FGF1: variants seen among roughly 807,000 people sequenced by gnomAD.
FGF1 encodes beta-endothelial cell growth factor.
A neutral mutation model predicts 13.4 loss-of-function variants in FGF1; 9 were observed. The ratio of observed to expected loss-of-function variants is 0.67; its 90% CI spans 0.40 to 1.17. The LOEUF (loss-of-function observed/expected upper bound fraction) is 1.17, where lower values mean the gene tolerates loss of function less well. Ranked by LOEUF, FGF1 falls within the 50% of genes most tolerant of loss-of-function variation. The pLI is 0.01. For missense variants in FGF1, 156 were observed against 192.7 expected (o/e 0.81, Z 1.13); for synonymous variants, 93 against 79.0 (o/e 1.18, Z -0.94).
chr5:142,680,903 C>T (rs1773590448), intron 1 of FGF1: 1 of 152,154 alleles, frequency 6.6e-6, no homozygotes, highest in African/African-American at 2.4e-5. Context: ...AATGCAGAAT[C>T]CTGGGTCCCT....
At chr5:142,692,001 C>A (rs1384268825) in intron 2 of FGF1, among the ~76,000 whole-genome samples, 2 of 152,150 alleles carry the variant, frequency 1.3e-5, no homozygotes, top group East Asian at 1.9e-4. Context: ...TAAAATTGTG[C>A]ACTATCTCCA....
upstream of FGF1, among the ~76,000 whole-genome samples, chr5:142,689,595 G>C (rs988165405): frequency 2.6e-5 from 4 of 152,082 alleles, no homozygotes; most frequent in East Asian, 7.7e-4. Context: ...CAACTTCAGG[G>C]GAGGATGCTT....
At chr5:142,630,262 AGT>A (rs1380684968) in intron 1 of FGF1, among the ~76,000 whole-genome samples, 13 of 152,028 alleles carry the variant, frequency 8.6e-5, no homozygotes, top group Non-Finnish European at 1.0e-4. Flanking sequence ...ACCTCACCCT[AGT>A]CCCAGCTGTG....
At chr5:142,663,015 G>A (rs1290937136) in intron 1 of FGF1, among the ~76,000 whole-genome samples, 3 of 152,026 alleles carry the variant, frequency 2.0e-5, no homozygotes, top group African/African-American at 7.3e-5. Context: ...GTAGAGATGG[G>A]GTCTTGCCGT....
chr5:142,660,515 C>T (rs1048193681), intron 1 of FGF1, among the ~76,000 whole-genome samples: 2 of 152,232 alleles, frequency 1.3e-5, no homozygotes, highest in Non-Finnish European at 2.9e-5. Flanking sequence ...AGGGTCACCC[C>T]ACAATGGCCT....
At chr5:142,675,708 C>A (rs968198426) in intron 1 of FGF1, among the ~76,000 whole-genome samples, 3 of 152,134 alleles carry the variant, frequency 2.0e-5, no homozygotes. Flanking sequence ...CCAAGGTCAC[C>A]CAACAAGGGA....
At chr5:142,662,549 G>A (rs1018213127) in intron 1 of FGF1, among the ~76,000 whole-genome samples, 1 of 152,076 alleles carries the variant, frequency 6.6e-6, no homozygotes, top group African/African-American at 2.4e-5. Context: ...ACACACAGTC[G>A]GGTCTCAATA....
At chr5:142,696,664 C>T (rs1244869979) in intron 2 of FGF1, among the ~76,000 whole-genome samples, 1 of 152,172 alleles carries the variant, frequency 6.6e-6, no homozygotes, top group Non-Finnish European at 1.5e-5. Context: ...TTCATGATGC[C>T]ATCATCTAGG....
chr5:142,612,960 AAGTG>A (rs17217282), intron 2 of FGF1, among the ~76,000 whole-genome samples: 5,334 of 152,322 alleles, frequency 0.035, 196 homozygotes, highest in African/African-American at 0.088. Context: ...CATCATGTCA[AAGTG>A]AGTGTTTTGC....
At chr5:142,611,194 G>A (rs1561545448) in intron 2 of FGF1, among the ~76,000 whole-genome samples, 1 of 152,286 alleles carries the variant, frequency 6.6e-6, no homozygotes, top group South Asian at 2.1e-4. Flanking sequence ...AGGCAATTCT[G>A]TTTCTGAATA....
At chr5:142,618,924 G>GTC (rs1760819093) in intron 1 of FGF1, among the ~76,000 whole-genome samples, 1 of 78,324 alleles carries the variant, frequency 1.3e-5, no homozygotes, top group African/African-American at 4.7e-5. Flanking sequence ...TTTTTTAGTT[G>GTC]TTTTGTTTTT....
At chr5:142,692,669 ACACACACG>A (rs1166994601) in intron 2 of FGF1, among the ~76,000 whole-genome samples, 3 of 150,498 alleles carry the variant, frequency 2.0e-5, no homozygotes, top group Admixed American at 6.6e-5. Context: ...GGACACACAC[ACACACACG>A]CACACACGCA....
At chr5:142,691,796 C>T (rs758418788) in intron 2 of FGF1, among the ~76,000 whole-genome samples, 6 of 152,202 alleles carry the variant, frequency 3.9e-5, no homozygotes, top group South Asian at 2.1e-4. Context: ...CCAGTCTTGA[C>T]GATGCCTGGC....
chr5:142,615,318 A>G (rs1168728563), intron 1 of FGF1, among the ~76,000 whole-genome samples: 2 of 151,946 alleles, frequency 1.3e-5, no homozygotes, highest in African/African-American at 4.8e-5. Flanking sequence ...CCCGGGTCCC[A>G]GTTCAAGCAA....
chr5:142,600,910 C>A (rs1299355824), intron 2 of FGF1, 105 bp from the exon 3 acceptor site: 2 of 748,508 alleles, frequency 2.7e-6, no homozygotes, highest in African/African-American at 1.7e-5. Flanking sequence ...TCATTCATTT[C>A]ACGGAGCCCT....
chr5:142,601,618 G>T (rs188992133), intron 2 of FGF1, among the ~76,000 whole-genome samples: 8 of 151,236 alleles, frequency 5.3e-5, no homozygotes, highest in African/African-American at 1.2e-4. Flanking sequence ...TCACAGCTAG[G>T]GGGGGCGGGT....
intron 1 of FGF1, among the ~76,000 whole-genome samples, chr5:142,632,343 G>A (rs1051702554): frequency 6.6e-6 from 1 of 152,144 alleles, no homozygotes; most frequent in Non-Finnish European, 1.5e-5. Context: ...AAAGATGGGG[G>A]CTTCTTTTCT....
intron 3 of FGF1, among the ~76,000 whole-genome samples, chr5:142,596,313 T>C (rs1179994999): frequency 6.7e-6 from 1 of 149,734 alleles, no homozygotes; most frequent in Non-Finnish European, 1.5e-5. Context: ...CTACAATTTT[T>C]TTTTTAATTA....
intron 3 of FGF1, among the ~76,000 whole-genome samples, chr5:142,596,146 T>G (rs17217534): frequency 3.9e-4 from 60 of 152,364 alleles, no homozygotes; most frequent in Admixed American, 3.7e-3. Flanking sequence ...GCTTTATTTT[T>G]TGCTACTTAT....
Sources: allele counts gnomAD v4.1 joint callset (sites outside exome capture counted in the v4.1 genomes callset), GRCh38; gene constraint gnomAD v4.1.1; transcripts MANE v1.5; gene names NCBI Gene and HGNC (gene_info 2026-07-23, HGNC 2026-07-21).